The following SLC25A28 variants were observed in gnomAD, a reference collection of about 807,000 sequenced individuals.
SLC25A28 encodes solute carrier family 25 member 28, also known as mitoferrin-2.
SLC25A28 carries 10 observed loss-of-function variants against 31.9 expected under a neutral mutation model. The observed-to-expected ratio is 0.31, with a 90% CI of 0.19 to 0.53. The LOEUF (loss-of-function observed/expected upper bound fraction) is 0.53, where lower values mean the gene tolerates loss of function less well. Among genes scored for constraint, SLC25A28 ranks in the 20% least tolerant of loss-of-function variants. SLC25A28 has a pLI of 0.95. For synonymous variants in SLC25A28, 208 were observed against 203.6 expected, an observed-to-expected ratio of 1.02 and a Z score of -0.19; for missense variants, 256 against 490.3, an observed-to-expected ratio of 0.52 and a Z score of 4.51.
chr10:99,646,400 C>T, the SLC25A28 span, among the ~76,000 whole-genome samples: 2 of 152,208 alleles, frequency 1.3e-5, no homozygotes, highest in South Asian at 4.1e-4. Flanking sequence ...TTTGCTAAGA[C>T]CATTGGAAAA....
chr10:99,624,192 CTTCT>C (rs1245165305), upstream of SLC25A28, among the ~76,000 whole-genome samples: 479 of 136,710 alleles, frequency 3.5e-3, 1 homozygote, highest in African/African-American at 0.012. Context: ...TTCTTCCTTC[CTTCT>C]TTCTTTGTTT....
At chr10:99,658,661 C>T in the SLC25A28 span, among the ~76,000 whole-genome samples, 1 of 152,036 alleles carries the variant, frequency 6.6e-6, no homozygotes. Flanking sequence ...AAACAGGACG[C>T]GTTGCTGGAG....
chr10:99,619,992 C>A, intron 1 of SLC25A28, 53 bp downstream of exon 1: 1 of 1,507,414 alleles, frequency 6.6e-7, no homozygotes, highest in Non-Finnish European at 8.9e-7. Flanking sequence ...CCGGACAAGA[C>A]CCAGGGGTCG....
chr10:99,646,103 G>A, the SLC25A28 span, among the ~76,000 whole-genome samples: 7 of 152,198 alleles, frequency 4.6e-5, no homozygotes, highest in Admixed American at 2.6e-4. Context: ...AGACAGGGAC[G>A]TTTAAGTCTG....
the SLC25A28 span, among the ~76,000 whole-genome samples, chr10:99,638,420 A>G: frequency 6.6e-6 from 1 of 152,216 alleles, no homozygotes; most frequent in African/African-American, 2.4e-5. Context: ...CAAATACAAG[A>G]AAAACAAAGA....
the SLC25A28 span, among the ~76,000 whole-genome samples, chr10:99,631,586 A>C: frequency 6.6e-6 from 1 of 152,214 alleles, no homozygotes; most frequent in East Asian, 1.9e-4. Flanking sequence ...AGAGTTAGTA[A>C]AAATGATTTT....
intron 1 of SLC25A28, chr10:99,615,869 TA>T: frequency 1.0e-6 from 1 of 985,438 alleles, no homozygotes; most frequent in Non-Finnish European, 1.2e-6. Flanking sequence ...GTCAATGGTG[TA>T]TTTGGCTACC....
At chr10:99,626,123 C>T in the SLC25A28 span, among the ~76,000 whole-genome samples, 2 of 152,306 alleles carry the variant, frequency 1.3e-5, no homozygotes, top group Non-Finnish European at 2.9e-5. Context: ...TACACTACCC[C>T]CTTCTCTGAA....
At chr10:99,650,323 G>A in the SLC25A28 span, among the ~76,000 whole-genome samples, 4 of 152,070 alleles carry the variant, frequency 2.6e-5, no homozygotes, top group Non-Finnish European at 5.9e-5. Flanking sequence ...GACTATAGGT[G>A]CACATCACGA....
chr10:99,626,374 A>G, the SLC25A28 span, among the ~76,000 whole-genome samples: 1 of 152,250 alleles, frequency 6.6e-6, no homozygotes, highest in Non-Finnish European at 1.5e-5. Flanking sequence ...GACTGTGTAC[A>G]GGAAGACTTT....
the SLC25A28 span, among the ~76,000 whole-genome samples, chr10:99,635,304 C>T: frequency 1.3e-4 from 20 of 152,278 alleles, no homozygotes; most frequent in Admixed American, 3.9e-4. Flanking sequence ...ATGAATGCAA[C>T]GTTACCTCAC....
the SLC25A28 span, among the ~76,000 whole-genome samples, chr10:99,649,366 A>G: frequency 1.3e-5 from 2 of 152,178 alleles, no homozygotes; most frequent in Non-Finnish European, 2.9e-5. Context: ...TATTTTGTTA[A>G]GGATTTTTGC....
At chr10:99,617,441 T>C in intron 1 of SLC25A28, 1 of 985,464 alleles carries the variant, frequency 1.0e-6, no homozygotes, top group South Asian at 4.7e-5. Context: ...AACATTGTGG[T>C]TGCCCTTTAG....
chr10:99,643,684 C>A, the SLC25A28 span, among the ~76,000 whole-genome samples: 1 of 152,120 alleles, frequency 6.6e-6, no homozygotes, highest in African/African-American at 2.4e-5. Flanking sequence ...ATCTTTCCTG[C>A]TTTCTCTTGT....
the SLC25A28 span, among the ~76,000 whole-genome samples, chr10:99,642,978 T>C: frequency 6.6e-6 from 1 of 152,206 alleles, no homozygotes; most frequent in Non-Finnish European, 1.5e-5. Context: ...CAGTATTTTA[T>C]TGAGGATTTT....
intron 2 of SLC25A28, 143 bp from the exon 3 acceptor site, chr10:99,612,742 C>A: frequency 1.1e-6 from 1 of 878,944 alleles, no homozygotes; most frequent in Non-Finnish European, 1.9e-6. Context: ...TGGGGACCCA[C>A]TGCTCCTAAA....
At position 99,612,665 on chromosome 10, in the gene SLC25A28, C is replaced by CA. The variant is rs537294905; in HGVS notation, c.521-67dup. 4,366 of 1,573,892 alleles carry CA rather than the reference C, an allele frequency of 2.8e-3. 6 individuals carry two copies. The highest frequency in any genetic ancestry group is 3.2e-3 in the Non-Finnish European group (3,664 of 1,143,676). ...AGCTGACCAACTCATTGAGGTCCCC[C>CA]AGTGAAGGGGAGTGGCTGTGCTACA... On this transcript the variant is annotated intron_variant, in intron 2 of 3. Transcript: ENST00000370495.
intron 1 of SLC25A28, chr10:99,618,552 T>C (rs563978076): frequency 6.5e-5 from 64 of 985,420 alleles, no homozygotes; most frequent in Non-Finnish European, 1.2e-5. Flanking sequence ...TGCATCTTTT[T>C]TATTTATACT....
the SLC25A28 span, among the ~76,000 whole-genome samples, chr10:99,632,550 T>A: frequency 6.6e-6 from 1 of 152,198 alleles, no homozygotes; most frequent in African/African-American, 2.4e-5. Context: ...ATGTGGATTA[T>A]TACTATTATT....
Sources: allele counts gnomAD v4.1 joint callset (sites outside exome capture counted in the v4.1 genomes callset), GRCh38; gene constraint gnomAD v4.1.1; transcripts MANE v1.5; gene names NCBI Gene and HGNC (gene_info 2026-07-23, HGNC 2026-07-21).